VPS13A: variants seen among roughly 807,000 people sequenced by gnomAD.
VPS13A encodes intermembrane lipid transfer protein VPS13A.
In VPS13A, 264 loss-of-function variants were observed where a neutral mutation model predicts 390.9. That is an observed-to-expected ratio of 0.68 (90% CI 0.61 to 0.75). The LOEUF is 0.75. VPS13A is among the 30% of genes least tolerant of loss of function. The pLI is 0.00. For missense variants in VPS13A, 3,409 were observed against 3,733.9 expected (o/e 0.91, Z 2.27); for synonymous variants, 1,231 against 1,227.1 (o/e 1.00, Z -0.07).
intron 35 of VPS13A, among the ~76,000 whole-genome samples, chr9:77,311,895 A>C (rs1457298262): frequency 6.6e-6 from 1 of 152,244 alleles, no homozygotes; most frequent in Non-Finnish European, 1.5e-5. Context: ...AAGCTTGAAC[A>C]ATTTCTAAAT....
At chr9:77,405,744 G>T in intron 69 of VPS13A, 120 bp from the exon 70 acceptor site, 1 of 1,259,360 alleles carries the variant, frequency 7.9e-7, no homozygotes, top group Non-Finnish European at 1.1e-6. Flanking sequence ...TAAGAATATA[G>T]AATATAGTCT....
intron 52 of VPS13A, among the ~76,000 whole-genome samples, chr9:77,345,407 A>G (rs992629689): frequency 1.3e-5 from 2 of 152,206 alleles, no homozygotes; most frequent in Admixed American, 1.3e-4. Context: ...GACTCTGATG[A>G]GGAGTCTGTC....
At chr9:77,329,307 A>G (rs1372101305) in intron 45 of VPS13A, among the ~76,000 whole-genome samples, 1 of 152,230 alleles carries the variant, frequency 6.6e-6, no homozygotes, top group Non-Finnish European at 1.5e-5. Context: ...CTTTGCATTC[A>G]CAACTTGGCT....
intron 9 of VPS13A, among the ~76,000 whole-genome samples, chr9:77,213,550 G>A (rs1826092363): frequency 6.8e-6 from 1 of 147,030 alleles, no homozygotes; most frequent in South Asian, 2.1e-4. Context: ...AGGCTGAAAT[G>A]CAGTGGCACG....
intron 50 of VPS13A, among the ~76,000 whole-genome samples, chr9:77,341,285 C>G (rs1419691668): frequency 6.6e-6 from 1 of 151,954 alleles, no homozygotes; most frequent in African/African-American, 2.4e-5. Flanking sequence ...CCTTTAGGTC[C>G]CCTCCCATTT....
chr9:77,303,158 A>G, intron 34 of VPS13A, 96 bp downstream of exon 34: 1 of 1,266,526 alleles, frequency 7.9e-7, no homozygotes, highest in Non-Finnish European at 1.1e-6. Context: ...TTGTATATAC[A>G]TAATCACCTT....
intron 55 of VPS13A, 89 bp downstream of exon 55, chr9:77,356,956 T>C: frequency 6.8e-7 from 1 of 1,461,556 alleles, no homozygotes; most frequent in African/African-American, 1.4e-5. Context: ...AAAGTTTGGC[T>C]TCCTTATAAA....
intron 47 of VPS13A, 105 bp downstream of exon 47, chr9:77,337,642 A>C: frequency 8.7e-7 from 1 of 1,151,706 alleles, no homozygotes; most frequent in Non-Finnish European, 1.2e-6. Flanking sequence ...TAAAAATTAG[A>C]ATACTAGTAA....
chr9:77,360,440 T>C, intron 58 of VPS13A, 96 bp from the exon 59 acceptor site: 1 of 925,970 alleles, frequency 1.1e-6, no homozygotes, highest in Non-Finnish European at 1.8e-6. Flanking sequence ...AGTTTCAAAG[T>C]TCTAATATTG....
At chr9:77,331,014 G>T (rs915365977) in intron 45 of VPS13A, among the ~76,000 whole-genome samples, 2 of 152,042 alleles carry the variant, frequency 1.3e-5, no homozygotes, top group Non-Finnish European at 2.9e-5. Flanking sequence ...TTTTCATTCA[G>T]ATATTCGAAG....
At position 77,226,555 on chromosome 9, in the gene VPS13A, A is replaced by G; in HGVS notation, c.1314A>G (p.Ser438=). ...GGTTTAGCTGGCTATGGTCTTGGTC[A>G]GAACAAAATACTAATGAACAGCAAC... ...KGWFSWLWSW[S]EQNTNEQQPD... is the part of the protein sequence containing the mutation. The change falls in exon 15 of 72, where the codon TCA becomes TCG. Residue 438 remains serine, a synonymous_variant. Coordinates refer to ENST00000360280, the MANE Select transcript of VPS13A (RefSeq NM_033305.3). The G allele has an allele frequency of 6.2e-7, 1 of 1,613,030 alleles. No individual in the cohort carries two copies. The highest frequency in any genetic ancestry group is 8.5e-7 in the Non-Finnish European group (1 of 1,179,354).
intron 52 of VPS13A, 81 bp downstream of exon 52, chr9:77,345,223 G>C: frequency 1.4e-6 from 2 of 1,447,564 alleles, no homozygotes; most frequent in African/African-American, 2.8e-5. Context: ...AATTTCTTAA[G>C]AGTATAAACA....
intron 24 of VPS13A, among the ~76,000 whole-genome samples, chr9:77,275,284 A>T (rs984522510): frequency 6.6e-6 from 1 of 152,182 alleles, no homozygotes; most frequent in African/African-American, 2.4e-5. Flanking sequence ...ATAACCAAGA[A>T]TGTTATTTAA....
chr9:77,319,489 A>T, intron 41 of VPS13A, 83 bp from the exon 42 acceptor site: 1 of 932,846 alleles, frequency 1.1e-6, no homozygotes, highest in Non-Finnish European at 1.7e-6. Flanking sequence ...ACTGGTTTTT[A>T]TATAGAAGAA....
intron 31 of VPS13A, among the ~76,000 whole-genome samples, chr9:77,291,835 G>A (rs7033706): frequency 0.023 from 3,426 of 152,156 alleles, 109 homozygotes; most frequent in East Asian, 0.12. Flanking sequence ...GAGTATTCTT[G>A]GCCATCCTGC....
chr9:77,413,343 C>G (rs932036887), intron 71 of VPS13A, among the ~76,000 whole-genome samples: 1 of 152,162 alleles, frequency 6.6e-6, no homozygotes, highest in African/African-American at 2.4e-5. Flanking sequence ...TCAAACTATA[C>G]TACAAGGCTA....
intron 41 of VPS13A, 48 bp downstream of exon 41, chr9:77,318,639 T>C (rs1259946891): frequency 7.3e-7 from 1 of 1,375,896 alleles, no homozygotes; most frequent in Middle Eastern, 1.8e-4. Flanking sequence ...ACGTATGGAA[T>C]ATTATGACAG....
intron 1 of VPS13A, among the ~76,000 whole-genome samples, chr9:77,180,224 A>C (rs1823924337): frequency 6.6e-6 from 1 of 152,160 alleles, no homozygotes; most frequent in South Asian, 2.1e-4. Context: ...ATTCTCTTGG[A>C]TATATACCTA....
intron 71 of VPS13A, among the ~76,000 whole-genome samples, chr9:77,411,555 C>T (rs984564856): frequency 8.2e-5 from 12 of 145,902 alleles, no homozygotes; most frequent in South Asian, 2.3e-4. Context: ...CCCAGCTACG[C>T]GGGAGGCTGA....
Sources: allele counts gnomAD v4.1 joint callset (sites outside exome capture counted in the v4.1 genomes callset), GRCh38; gene constraint gnomAD v4.1.1; transcripts MANE v1.5; gene names NCBI Gene and HGNC (gene_info 2026-07-23, HGNC 2026-07-21).